Variants in ATP11C observed in about 807,000 individuals in gnomAD.
The protein encoded by ATP11C is ATPase phospholipid transporting 11C (ATP11C blood group).
In ATP11C, 36 loss-of-function variants were observed where a neutral mutation model predicts 97.4. The observed-to-expected ratio is 0.37, with a 90% CI of 0.28 to 0.49. ATP11C has a LOEUF of 0.49. Ranked by LOEUF, ATP11C falls within the 20% of genes least tolerant of loss-of-function variation. The pLI is 0.98. For missense variants in ATP11C, 730 were observed against 824.6 expected (o/e 0.89, Z 1.40); for synonymous variants, 275 against 290.9 (o/e 0.95, Z 0.56).
chrX:139,750,556 T>C (rs1329744350), intron 23 of ATP11C, among the ~76,000 whole-genome samples: 2 of 111,872 alleles, frequency 1.8e-5, no homozygotes, highest in African/African-American at 6.5e-5. Context: ...GTCACAAATG[T>C]TTTGGTTAAT....
At chrX:139,757,241 C>T (rs1244938904) in intron 23 of ATP11C, among the ~76,000 whole-genome samples, 1 of 111,296 alleles carries the variant, frequency 9.0e-6, no homozygotes, top group African/African-American at 3.3e-5. Flanking sequence ...TTTCGCTATA[C>T]CTCCCACTAG....
At chrX:139,823,301 A>C (rs1278641745) in intron 2 of ATP11C, among the ~76,000 whole-genome samples, 1 of 112,645 alleles carries the variant, frequency 8.9e-6, no homozygotes, top group Non-Finnish European at 1.9e-5. Flanking sequence ...ATCTGTACAC[A>C]AGTGTGGCCA....
intron 5 of ATP11C, among the ~76,000 whole-genome samples, chrX:139,808,041 C>T (rs2083083738): frequency 9.2e-6 from 1 of 108,866 alleles, no homozygotes; most frequent in Non-Finnish European, 1.9e-5. Flanking sequence ...AGAATGCTGG[C>T]AGAGGGATAC....
intron 12 of ATP11C, among the ~76,000 whole-genome samples, chrX:139,792,107 G>C (rs2082702110): frequency 9.1e-6 from 1 of 110,289 alleles, no homozygotes; most frequent in Admixed American, 9.8e-5. Context: ...CCTGACCTGG[G>C]GAAGGAGGAA....
At chrX:139,902,067 CAA>C (rs2084908443) in intron 1 of ATP11C, among the ~76,000 whole-genome samples, 1 of 111,548 alleles carries the variant, frequency 9.0e-6, no homozygotes, top group African/African-American at 3.3e-5. Context: ...CCATTCTATT[CAA>C]AGTCATCCCT....
intron 1 of ATP11C, among the ~76,000 whole-genome samples, chrX:139,875,008 A>G (rs2084446153): frequency 9.0e-6 from 1 of 111,492 alleles, no homozygotes; most frequent in Non-Finnish European, 1.9e-5. Context: ...TTGATGGAAG[A>G]GCATACTACA....
intron 1 of ATP11C, among the ~76,000 whole-genome samples, chrX:139,829,717 G>A (rs971452400): frequency 5.4e-5 from 6 of 111,169 alleles, no homozygotes; most frequent in African/African-American, 2.0e-4. Flanking sequence ...ACATAATAAA[G>A]TATGGCAAAT....
At chrX:139,803,685 C>CTTTT (rs140315105) in intron 6 of ATP11C, among the ~76,000 whole-genome samples, 399 of 38,299 alleles carry the variant, frequency 0.01, 44 homozygotes, top group African/African-American at 0.015. Flanking sequence ...TACACCCTAT[C>CTTTT]TTTTTTTTTT....
intron 1 of ATP11C, chrX:139,924,098 C>T (rs749421898): frequency 5.3e-6 from 2 of 378,320 alleles, no homozygotes. Context: ...TGAATGGGAG[C>T]AGTAACAAAA....
chrX:139,853,051 G>T (rs1004793340), intron 1 of ATP11C, among the ~76,000 whole-genome samples: 1 of 110,694 alleles, frequency 9.0e-6, no homozygotes, highest in Non-Finnish European at 1.9e-5. Context: ...CTTCCCTGGT[G>T]TTGAGGGGTT....
At chrX:139,858,346 C>CA (rs1162271877) in intron 1 of ATP11C, among the ~76,000 whole-genome samples, 1 of 112,090 alleles carries the variant, frequency 8.9e-6, no homozygotes, top group Non-Finnish European at 1.9e-5. Flanking sequence ...CCTCTATGGA[C>CA]ATGACTTCTC....
intron 2 of ATP11C, among the ~76,000 whole-genome samples, chrX:139,825,724 G>C (rs997566288): frequency 8.9e-6 from 1 of 112,197 alleles, no homozygotes; most frequent in Admixed American, 9.4e-5. Flanking sequence ...TTAAGGAAGG[G>C]CATAATTTTG....
intron 1 of ATP11C, among the ~76,000 whole-genome samples, chrX:139,831,791 G>GGTCT (rs981725998): frequency 1.8e-5 from 2 of 111,021 alleles, no homozygotes; most frequent in African/African-American, 3.3e-5. Flanking sequence ...GTTCCTTTGG[G>GGTCT]GTCTCAGCAA....
chrX:139,878,808 G>A (rs1446208148), intron 1 of ATP11C, among the ~76,000 whole-genome samples: 1 of 109,314 alleles, frequency 9.1e-6, no homozygotes, highest in Admixed American at 9.9e-5. Flanking sequence ...ATACCTAGAG[G>A]CATCTGGCAA....
intron 1 of ATP11C, among the ~76,000 whole-genome samples, chrX:139,841,239 GCA>G (rs1462100210): frequency 8.9e-6 from 1 of 112,156 alleles, no homozygotes; most frequent in African/African-American, 3.2e-5. Context: ...GTAATCAACG[GCA>G]CTATTTGTTG....
rs754277937 is a variant in ATP11C at position 139,743,529 on chromosome X, A to G, written c.3030+30T>C. On this transcript the variant is annotated intron_variant, in intron 26 of 29. Transcript: ENST00000682941. ...AAGAAAGTATTATAAAAACAGTATT[A>G]AAAAATACATGAATAAGTAAAAATC... 9 of 1,000,989 alleles carry G rather than the reference A, an allele frequency of 9.0e-6. No individual in the cohort carries two copies. The South Asian group carries it at 2.0e-4, about 22-fold the overall frequency. The allele number at this position is 1,000,989 out of a possible 1,213,427, so 82.5% of individuals were successfully genotyped here. A position where few individuals can be genotyped will look rare whatever the true frequency, so the allele number is the denominator to read the frequency against.
chrX:139,810,189 G>A (rs1012340277), intron 5 of ATP11C, among the ~76,000 whole-genome samples: 4 of 111,672 alleles, frequency 3.6e-5, no homozygotes, highest in Non-Finnish European at 5.6e-5. Context: ...AGGCTGGCAC[G>A]GTGGCTCACA....
At chrX:139,790,508 T>C (rs1239784228) in intron 12 of ATP11C, among the ~76,000 whole-genome samples, 1 of 110,352 alleles carries the variant, frequency 9.1e-6, no homozygotes, top group African/African-American at 3.3e-5. Context: ...TCTTACACTT[T>C]GTGGGCTAGT....
chrX:139,917,783 C>A (rs1278655958), intron 1 of ATP11C, among the ~76,000 whole-genome samples: 4 of 109,849 alleles, frequency 3.6e-5, no homozygotes, highest in African/African-American at 1.3e-4. Context: ...TGGTGAAACC[C>A]AGTCTCTACC....
Sources: gnomAD v4.1 joint callset for allele counts (sites outside exome capture counted in the v4.1 genomes callset) on GRCh38, gnomAD v4.1.1 for gene constraint, MANE v1.5 for transcripts, NCBI Gene and HGNC (gene_info 2026-07-23, HGNC 2026-07-21) for gene names.